The following DSG2 variants were observed in gnomAD, a reference collection of about 807,000 sequenced individuals.
DSG2 encodes the protein desmoglein-2.
A neutral mutation model predicts 75.6 loss-of-function variants in DSG2; 45 were observed. The ratio of observed to expected loss-of-function variants is 0.60; its 90% CI spans 0.47 to 0.76. The LOEUF is 0.76. Ranked by LOEUF, DSG2 falls within the 30% of genes least tolerant of loss-of-function variation. The pLI, the probability that DSG2 is intolerant of heterozygous loss-of-function variation, is 0.00. For synonymous variants in DSG2, 429 were observed against 483.9 expected (o/e 0.89, Z 1.49); for missense variants, 1,267 against 1,357.4 (o/e 0.93, Z 1.05).
At chr18:31,544,857 G>A (rs189672367) in intron 14 of DSG2, among the ~76,000 whole-genome samples, 10 of 152,300 alleles carry the variant, frequency 6.6e-5, no homozygotes, top group Admixed American at 5.9e-4. Context: ...TAAGGCATCT[G>A]AAGGGCCCTA....
chr18:31,530,140 A>G (rs535736872), intron 8 of DSG2, among the ~76,000 whole-genome samples: 1 of 151,322 alleles, frequency 6.6e-6, no homozygotes, highest in East Asian at 1.9e-4. Context: ...GTATTATGCT[A>G]AAAAAGAGGA....
chr18:31,499,339 T>G (rs1202349150), intron 1 of DSG2, among the ~76,000 whole-genome samples: 1 of 146,986 alleles, frequency 6.8e-6, no homozygotes, highest in Non-Finnish European at 1.5e-5. Context: ...CGAGTTTTGG[T>G]GGGATGTGGA....
intron 1 of DSG2, among the ~76,000 whole-genome samples, chr18:31,512,685 C>T (rs1568102651): frequency 1.3e-5 from 2 of 152,252 alleles, no homozygotes. Context: ...ATGGCCTGGG[C>T]GTTCCTTTTG....
chr18:31,517,271 G>A (rs1232835822), intron 1 of DSG2, among the ~76,000 whole-genome samples: 4 of 152,204 alleles, frequency 2.6e-5, no homozygotes, highest in African/African-American at 9.6e-5. Flanking sequence ...GGGAAAGGTA[G>A]TGGGGAGGTG....
chr18:31,526,091 C>T (rs147145691), intron 8 of DSG2, among the ~76,000 whole-genome samples: 2,595 of 152,224 alleles, frequency 0.017, 39 homozygotes, highest in South Asian at 0.061. Context: ...TTGCAGTGAG[C>T]CAAGATCGTG....
chr18:31,513,409 C>T (rs138691905), intron 1 of DSG2, among the ~76,000 whole-genome samples: 3 of 152,238 alleles, frequency 2.0e-5, no homozygotes, highest in Non-Finnish European at 4.4e-5. Flanking sequence ...TGTAGGGTCT[C>T]CTGATACCTC....
At chr18:31,538,031 A>G (rs954965793) in intron 11 of DSG2, among the ~76,000 whole-genome samples, 2 of 152,154 alleles carry the variant, frequency 1.3e-5, no homozygotes, top group African/African-American at 4.8e-5. Context: ...TAAGAGTGCT[A>G]ATGTTCCTTG....
At chr18:31,516,335 A>C (rs1049927652) in intron 1 of DSG2, among the ~76,000 whole-genome samples, 1 of 152,188 alleles carries the variant, frequency 6.6e-6, no homozygotes, top group East Asian at 1.9e-4. Context: ...GAAAGGAGTC[A>C]GGACACCTCT....
At chr18:31,503,147 T>G (rs2073022455) in intron 1 of DSG2, among the ~76,000 whole-genome samples, 1 of 152,276 alleles carries the variant, frequency 6.6e-6, no homozygotes, top group African/African-American at 2.4e-5. Flanking sequence ...GGCAATGTGC[T>G]AAACACTGGA....
chr18:31,502,996 G>A (rs17660585), intron 1 of DSG2, among the ~76,000 whole-genome samples: 85,976 of 151,986 alleles, frequency 0.57, 26,987 homozygotes, highest in African/African-American at 0.86. Context: ...TTAAGTTTTT[G>A]TCATATGCAA....
Position 31,521,146 on chromosome 18 carries a change from C to T in DSG2, c.426C>T (p.Pro142=), listed in dbSNP as rs772873493. The T allele has an allele frequency of 1.9e-6, 3 of 1,613,734 alleles. No individual in the cohort carries two copies. The highest frequency in any genetic ancestry group is 2.2e-5 in the East Asian group (1 of 44,856). The change falls in exon 5 of 15, where the codon CCC becomes CCT. Residue 142 remains proline (P), a synonymous_variant. Transcript: ENST00000261590. Reference sequence around the variant, plus strand: ...CAAGAGGAAACAATGTAGAGAAACCCTTAGAGCTACGCATTAAGGTTCTTG... The same window carrying T: ...CAAGAGGAAACAATGTAGAGAAACCTTTAGAGCTACGCATTAAGGTTCTTG... ...LDARGNNVEK[P]LELRIKVLDI...
chr18:31,512,539 A>G (rs1334286681), intron 1 of DSG2, among the ~76,000 whole-genome samples: 3 of 152,240 alleles, frequency 2.0e-5, no homozygotes, highest in Non-Finnish European at 2.9e-5. Flanking sequence ...TTTTTCAAAC[A>G]TAAACTGGTT....
chr18:31,512,086 T>C (rs767620146), intron 1 of DSG2, among the ~76,000 whole-genome samples: 1 of 152,200 alleles, frequency 6.6e-6, no homozygotes, highest in African/African-American at 2.4e-5. Flanking sequence ...TCTCCGGGCA[T>C]AACTTCTTTT....
chr18:31,545,694 G>GTTTGT (rs1377181661), intron 14 of DSG2, 27 bp from the exon 15 acceptor site: 3 of 1,609,076 alleles, frequency 1.9e-6, no homozygotes, highest in Non-Finnish European at 1.7e-6. Context: ...TCTGTTTTGT[G>GTTTGT]TTTGTTTTGT....
intron 11 of DSG2, among the ~76,000 whole-genome samples, 178 bp from the exon 12 acceptor site, chr18:31,538,573 T>G (rs936912016): frequency 6.6e-6 from 1 of 152,194 alleles, no homozygotes; most frequent in African/African-American, 2.4e-5. Context: ...CTATTTAAAC[T>G]GCATATTCAG....
Position 31,542,692 on chromosome 18 carries a change from T to C in DSG2, c.2174T>C (p.Leu725Pro), listed in dbSNP as rs960047010. 3 of 1,614,218 alleles carry C rather than the reference T, an allele frequency of 1.9e-6. No individual in the cohort carries two copies. Among genetic ancestry groups the C allele is most frequent in the Non-Finnish European group, 2.5e-6 (3 of 1,180,034 alleles). The change falls in exon 14 of 15, where the codon CTT (leucine) becomes CCT (proline). Residue 725 changes from leucine (L) to proline (P), a missense_variant. Transcript: ENST00000261590. ...DGRWEEHRSLLSGRATQFTGA... is the reference protein window; with the variant it reads ...DGRWEEHRSLPSGRATQFTGA... ...AGGTGGGAAGAACACAGAAGCCTGC[T>C]TTCTGGTAGAGCTACCCAGTTTACA...
At chr18:31,499,372 G>GCC (rs2073002314) in intron 1 of DSG2, among the ~76,000 whole-genome samples, 3 of 151,854 alleles carry the variant, frequency 2.0e-5, no homozygotes, top group Non-Finnish European at 4.4e-5. Flanking sequence ...GTGTGTGTGT[G>GCC]TGTGTGTGTG....
intron 1 of DSG2, among the ~76,000 whole-genome samples, chr18:31,500,037 A>T (rs916950971): frequency 5.1e-5 from 2 of 38,908 alleles, no homozygotes; most frequent in Non-Finnish European, 9.8e-5. Context: ...GTTTTTTGGT[A>T]AAAAAAAAAA....
At chr18:31,515,555 T>C (rs563192139) in intron 1 of DSG2, among the ~76,000 whole-genome samples, 63 of 152,208 alleles carry the variant, frequency 4.1e-4, no homozygotes, top group Non-Finnish European at 7.9e-4. Context: ...TTGCTTTTCA[T>C]ACCATGCCAC....
Sources: allele counts gnomAD v4.1 joint callset (sites outside exome capture counted in the v4.1 genomes callset), GRCh38; gene constraint gnomAD v4.1.1; transcripts MANE v1.5; gene names NCBI Gene and HGNC (gene_info 2026-07-23, HGNC 2026-07-21).